Variants in ALK observed in about 807,000 individuals in gnomAD.
ALK encodes ALK tyrosine kinase receptor.
ALK carries 74 observed loss-of-function variants against 163.1 expected under a neutral mutation model. The ratio of observed to expected loss-of-function variants is 0.45; its 90% CI spans 0.38 to 0.55. The LOEUF (loss-of-function observed/expected upper bound fraction) is 0.55, where lower values mean the gene tolerates loss of function less well. Ranked by LOEUF, ALK falls within the 20% of genes least tolerant of loss-of-function variation. ALK has a pLI of 0.00. For missense variants in ALK, 2,063 were observed against 2,105.3 expected (o/e 0.98, Z 0.39); for synonymous variants, 960 against 843.2 (o/e 1.14, Z -2.40).
At chr2:29,911,959 C>T (rs1189150075) in intron 1 of ALK, among the ~76,000 whole-genome samples, 4 of 152,068 alleles carry the variant, frequency 2.6e-5, no homozygotes, top group African/African-American at 9.7e-5. Flanking sequence ...AAATATGAAA[C>T]ATTTAAACTG....
At chr2:29,837,324 C>T (rs1665588757) in intron 1 of ALK, among the ~76,000 whole-genome samples, 1 of 152,040 alleles carries the variant, frequency 6.6e-6, no homozygotes, top group South Asian at 2.1e-4. Context: ...TACTGAGGTG[C>T]CTGGAATTTG....
chr2:29,696,452 G>A (rs1352281233), intron 2 of ALK, among the ~76,000 whole-genome samples: 1 of 150,726 alleles, frequency 6.6e-6, no homozygotes, highest in Admixed American at 6.6e-5. Flanking sequence ...CTTGATGGGT[G>A]CAGCAAACCA....
At chr2:29,913,760 T>C (rs1384949691) in intron 1 of ALK, among the ~76,000 whole-genome samples, 1 of 152,188 alleles carries the variant, frequency 6.6e-6, no homozygotes, top group East Asian at 1.9e-4. Flanking sequence ...CCCTGGGTTA[T>C]ACGTCTCCAG....
chr2:29,663,732 G>C (rs1298835857), intron 3 of ALK, among the ~76,000 whole-genome samples: 1 of 152,078 alleles, frequency 6.6e-6, no homozygotes, highest in African/African-American at 2.4e-5. Flanking sequence ...AAATCTAACT[G>C]TGGGTATCAG....
rs535960957 is a variant in ALK, at chr2:29,394,334, A to G, written c.1155-10475T>C. ...TCCAGACCAGAAAAAAAAAAAAGAA[A>G]GAAAGAAAGAAAAAAATCAAGCAAG... On this transcript the variant is annotated intron_variant, in intron 4 of 28. Coordinates refer to ENST00000389048, the MANE Select transcript of ALK (RefSeq NM_004304.5). Among the ~76,000 whole-genome samples the G allele has an allele frequency of 5.9e-5, 9 of 151,666 alleles. No individual in the cohort carries two copies. In the South Asian group the frequency reaches 1.9e-3, roughly 31 times the overall value.
chr2:29,343,298 T>A (rs993575632), intron 5 of ALK, among the ~76,000 whole-genome samples: 5 of 148,550 alleles, frequency 3.4e-5, no homozygotes, highest in African/African-American at 1.2e-4. Flanking sequence ...AGCTTCAGCC[T>A]CCTGGGCTCA....
At position 29,676,945 on chromosome 2, in the gene ALK, T is replaced by C. The variant is rs371502766; in HGVS notation, c.952+17905A>G. On this transcript the variant is annotated intron_variant, in intron 3 of 28. Transcript: ENST00000389048. ...CCTTTTGGAAATTGTTGTTAGAACATAGAAATACAGTTAGTTTTTTAATAT... is the reference window on the plus strand; with the variant it reads ...CCTTTTGGAAATTGTTGTTAGAACACAGAAATACAGTTAGTTTTTTAATAT... 7.2e-5 allele frequency among the ~76,000 whole-genome samples: 11 copies of C among 152,184 alleles called. No homozygotes were observed. In the South Asian group the frequency reaches 1.9e-3, roughly 26 times the overall value.
At chr2:29,705,262 T>TATATATATATATATATATAA (rs376565667) in intron 2 of ALK, among the ~76,000 whole-genome samples, 1 of 73,114 alleles carries the variant, frequency 1.4e-5, no homozygotes, top group Non-Finnish European at 3.0e-5. Context: ...TATATATATA[T>TATATATATATATATATATAA]ATATATATAT....
chr2:29,552,577 A>T (rs55698427), intron 3 of ALK, among the ~76,000 whole-genome samples: 42,360 of 152,064 alleles, frequency 0.28, 6,057 homozygotes, highest in South Asian at 0.36. Context: ...CCCATGGTTG[A>T]TTTGATATGC....
At chr2:29,795,816 C>A (rs1664293944) in intron 1 of ALK, among the ~76,000 whole-genome samples, 1 of 152,016 alleles carries the variant, frequency 6.6e-6, no homozygotes. Context: ...CAATTAATTT[C>A]TTCTTTTTCA....
At chr2:29,203,239 G>A (rs1669225549) in intron 26 of ALK, among the ~76,000 whole-genome samples, 1 of 151,984 alleles carries the variant, frequency 6.6e-6, no homozygotes, top group Non-Finnish European at 1.5e-5. Flanking sequence ...ATCTAATGCT[G>A]GTCAGAAAGG....
At position 29,680,013 on chromosome 2, in the gene ALK, C is replaced by T. The variant is rs187373412; in HGVS notation, c.952+14837G>A. On this transcript the variant is annotated intron_variant, in intron 3 of 28. Transcript: ENST00000389048. Reference sequence around the variant, plus strand: ...TTTCAACATGTTGGAATATGTGTTCCACTGTCTTTTAGTCTTTCATGTTTC... The same window carrying T: ...TTTCAACATGTTGGAATATGTGTTCTACTGTCTTTTAGTCTTTCATGTTTC... Among the ~76,000 whole-genome samples the T allele has an allele frequency of 5.2e-3, 787 of 151,946 alleles. 9 individuals are homozygous for T. The highest frequency in any genetic ancestry group is 0.035 in the South Asian group (169 of 4,816).
In ALK at chr2:29,899,409, C is replaced by T. The variant is rs142908595; in HGVS notation, c.667+20584G>A. Among the ~76,000 whole-genome samples, 457 of 152,286 alleles carry T rather than the reference C, an allele frequency of 3.0e-3. 4 individuals carry two copies. The highest frequency in any genetic ancestry group is 0.01 in the African/African-American group (422 of 41,566). On this transcript the variant is annotated intron_variant, in intron 1 of 28. Transcript: ENST00000389048. ...CTGCAGCCACCCATCACCCTGGGGGCGGCTACTCACCCTGAGGAAGGCAGA... is the reference window on the plus strand; with the variant it reads ...CTGCAGCCACCCATCACCCTGGGGGTGGCTACTCACCCTGAGGAAGGCAGA...
rs1055005053 is a variant in ALK, at chr2:29,870,358, G to A, written c.667+49635C>T. The stretch of plus-strand genomic sequence containing the variant: ...GCAAAAATTCACATGGCTGGCAGGA[G>A]ACAAAGTGTGAACGGGAGAGTGTTA... On this transcript the variant is annotated intron_variant, in intron 1 of 28. Coordinates refer to ENST00000389048, the MANE Select transcript of ALK (RefSeq NM_004304.5). 2.6e-4 allele frequency among the ~76,000 whole-genome samples: 39 copies of A among 152,274 alleles called. 1 individual carries two copies. The highest frequency in any genetic ancestry group is 2.5e-3 in the Admixed American group (39 of 15,300).
chr2:29,383,918 C>T, intron 4 of ALK, 59 bp from the exon 5 acceptor site: 1 of 1,609,030 alleles, frequency 6.2e-7, no homozygotes, highest in Non-Finnish European at 8.5e-7. Context: ...AGAATTAGGC[C>T]TAACATGTGG....
Position 29,318,384 on chromosome 2 carries a change from T to A in ALK, c.1567A>T (p.Thr523Ser), listed in dbSNP as rs2148248241. The A allele has an allele frequency of 1.2e-6, 2 of 1,613,306 alleles. No homozygotes were observed. Among genetic ancestry groups the A allele is most frequent in the Non-Finnish European group, 1.7e-6 (2 of 1,179,312 alleles). ...DHQDHALLLS[T>S]TDVPASESAT... is the part of the protein sequence containing the mutation. ...CTTTCAGAAGCGGGGACATCAGTGG[T>A]ACTGAGCAATAGAGCATGGTCTAGG... is the stretch of plus-strand genomic sequence containing the variant. The change falls in exon 8 of 29, where the codon ACC becomes TCC. Residue 523 changes from threonine (T) to serine (S), a missense_variant. By Grantham distance (58) the Thr-to-Ser change is moderately conservative. This residue lies in a region of ALK where 987 missense variants were observed against 939.5 expected (regional missense o/e 1.05). Coordinates refer to ENST00000389048, the MANE Select transcript of ALK (RefSeq NM_004304.5).
At chr2:29,514,876 G>A (rs1284668801) in intron 4 of ALK, among the ~76,000 whole-genome samples, 1 of 152,072 alleles carries the variant, frequency 6.6e-6, no homozygotes, top group Admixed American at 6.6e-5. Context: ...CAAAGGTCTG[G>A]GGTTCCCATA....
At chr2:29,330,208 T>C (rs926717878) in intron 5 of ALK, among the ~76,000 whole-genome samples, 4 of 152,208 alleles carry the variant, frequency 2.6e-5, no homozygotes, top group African/African-American at 9.6e-5. Flanking sequence ...GATCTGGGCC[T>C]AAGTTGCTTT....
At chr2:29,500,153 A>G (rs566098805) in intron 4 of ALK, among the ~76,000 whole-genome samples, 1 of 152,046 alleles carries the variant, frequency 6.6e-6, no homozygotes, top group East Asian at 1.9e-4. Context: ...CCCCCACCCA[A>G]ATCTCATGTG....
Sources: gnomAD v4.1 joint callset for allele counts (sites outside exome capture counted in the v4.1 genomes callset) on GRCh38, gnomAD v4.1.1 for gene constraint, gnomAD v4.1.1 regional missense constraint, MANE v1.5 for transcripts, NCBI Gene and HGNC (gene_info 2026-07-23, HGNC 2026-07-21) for gene names.